Variants in PIK3C2G observed in about 807,000 individuals in gnomAD.
PIK3C2G encodes the protein phosphatidylinositol 3-kinase C2 domain-containing subunit gamma.
In PIK3C2G, 168 loss-of-function variants were observed where a neutral mutation model predicts 181.1. The observed-to-expected ratio is 0.93, with a 90% CI of 0.82 to 1.05. The LOEUF (loss-of-function observed/expected upper bound fraction) is 1.05. Ranked by LOEUF, PIK3C2G falls within the 50% of genes least tolerant of loss-of-function variation. The pLI, the probability that PIK3C2G is intolerant of heterozygous loss-of-function variation, is 0.00. For synonymous variants in PIK3C2G, 573 were observed against 592.2 expected (o/e 0.97, Z 0.47); for missense variants, 1,869 against 1,732.8 (o/e 1.08, Z -1.40).
chr12:18,460,800 A>C (rs1348463089), intron 18 of PIK3C2G, among the ~76,000 whole-genome samples: 1 of 151,970 alleles, frequency 6.6e-6, no homozygotes, highest in Non-Finnish European at 1.5e-5. Flanking sequence ...AGTATTGCCT[A>C]GGGATTAGGC....
intron 32 of PIK3C2G, among the ~76,000 whole-genome samples, chr12:18,642,786 CTGTGTGTGTGTGTGTGTG>C (rs56095750): frequency 2.8e-5 from 4 of 143,100 alleles, no homozygotes; most frequent in African/African-American, 1.1e-4. Flanking sequence ...ATAAGTGACA[CTGTGTGTGTGTGTGTGTG>C]TGTGTGTGTG....
At chr12:18,539,441 A>G (rs1944034575) in intron 25 of PIK3C2G, among the ~76,000 whole-genome samples, 1 of 151,892 alleles carries the variant, frequency 6.6e-6, no homozygotes. Context: ...CATTTATGTT[A>G]TTATACTAGA....
In PIK3C2G at chr12:18,314,911, C is replaced by T. The variant is rs150282281; in HGVS notation, c.1137+847C>T. ...TTTCATAATATATATAATAAAGCTA[C>T]CTAGAAAAGGATGACTGTGCTTTGA... On this transcript the variant is annotated intron_variant, in intron 6 of 32. Coordinates refer to ENST00000538779, the MANE Select transcript of PIK3C2G (RefSeq NM_001288772.2). 6.0e-4 allele frequency among the ~76,000 whole-genome samples: 92 copies of T among 152,238 alleles called. No individual in the cohort carries two copies. In the Middle Eastern group the frequency reaches 0.01, roughly 17 times the overall value.
chr12:18,423,584 T>C (rs948990940), intron 17 of PIK3C2G, among the ~76,000 whole-genome samples: 2 of 152,148 alleles, frequency 1.3e-5, no homozygotes, highest in Non-Finnish European at 2.9e-5. Context: ...TGAATGTGCA[T>C]TAATTTCATC....
At chr12:18,307,670 C>T (rs1383349503) in intron 5 of PIK3C2G, among the ~76,000 whole-genome samples, 1 of 151,866 alleles carries the variant, frequency 6.6e-6, no homozygotes, top group Non-Finnish European at 1.5e-5. Context: ...TCTTCTTACC[C>T]TTTTTGATAT....
chr12:18,319,485 A>G (rs894367779), intron 6 of PIK3C2G, among the ~76,000 whole-genome samples: 1 of 152,140 alleles, frequency 6.6e-6, no homozygotes, highest in Admixed American at 6.5e-5. Flanking sequence ...TGTGACAAAA[A>G]AAGTTTCCAA....
At chr12:18,546,511 G>T in intron 26 of PIK3C2G, 79 bp downstream of exon 26, 1 of 798,372 alleles carries the variant, frequency 1.3e-6, no homozygotes, top group Non-Finnish European at 2.1e-6. Flanking sequence ...ATGATTTCAG[G>T]TTGACCAGTC....
In PIK3C2G at chr12:18,606,125, G is replaced by A. The variant is rs115592930; in HGVS notation, c.4088-3410G>A. ...GAGTTTTCACTGGGTTCTGAACTCC[G>A]GCATGTTTTGATGGACACTTTAGTT... On this transcript the variant is annotated intron_variant, in intron 30 of 32. Coordinates refer to ENST00000538779, the MANE Select transcript of PIK3C2G (RefSeq NM_001288772.2). Among the ~76,000 whole-genome samples, 1,119 of 152,176 alleles carry A rather than the reference G, an allele frequency of 7.4e-3. 10 individuals are homozygous for A. The highest frequency in any genetic ancestry group is 0.025 in the African/African-American group (1,058 of 41,506).
chr12:18,636,121 G>A (rs1229211957), intron 31 of PIK3C2G, among the ~76,000 whole-genome samples: 1 of 152,184 alleles, frequency 6.6e-6, no homozygotes, highest in Admixed American at 6.5e-5. Flanking sequence ...ACTAAATTAT[G>A]ACATAGAGCT....
chr12:18,485,979 C>A (rs1413993374), intron 18 of PIK3C2G, among the ~76,000 whole-genome samples: 2 of 152,198 alleles, frequency 1.3e-5, no homozygotes, highest in East Asian at 3.9e-4. Context: ...AACTGAGTAA[C>A]CTTCCACCCA....
In PIK3C2G at chr12:18,320,979, T is replaced by G; in HGVS notation, c.1155T>G (p.Ser385Arg). 1 of 1,567,142 alleles carries G rather than the reference T, an allele frequency of 6.4e-7. No individual in the cohort carries two copies. The highest frequency in any genetic ancestry group is 8.8e-7 in the Non-Finnish European group (1 of 1,141,568). The change falls in exon 7 of 33, where the codon AGT becomes AGG. Residue 385 changes from serine to arginine, a missense_variant. By Grantham distance (110) the Ser-to-Arg change is moderately radical (BLOSUM62 -1). Coordinates refer to ENST00000538779, the MANE Select transcript of PIK3C2G (RefSeq NM_001288772.2). ...GTCTACAGCATGAAGAGGACCACAG[T>G]CAGTTTTATCTGAATCAACTTCTAG... ...KLSRKHEEDHSQFYLNQLLEF... is the reference protein window; with the variant it reads ...KLSRKHEEDHRQFYLNQLLEF...
At chr12:18,601,647 T>C (rs971526427) in intron 30 of PIK3C2G, among the ~76,000 whole-genome samples, 44 of 152,192 alleles carry the variant, frequency 2.9e-4, no homozygotes, top group Admixed American at 2.9e-3. Flanking sequence ...TTTAATGATA[T>C]TGATACTTCT....
chr12:18,645,619 G>A (rs1047152714), intron 32 of PIK3C2G, among the ~76,000 whole-genome samples: 11 of 152,032 alleles, frequency 7.2e-5, no homozygotes, highest in African/African-American at 9.7e-5. Context: ...TCCTTTTTGT[G>A]TATTTGATGG....
chr12:18,352,513 G>A (rs897675675), intron 11 of PIK3C2G, among the ~76,000 whole-genome samples: 3 of 152,122 alleles, frequency 2.0e-5, no homozygotes, highest in Non-Finnish European at 4.4e-5. Context: ...TCTAGGAGGG[G>A]TACTCAAAAT....
At chr12:18,375,855 G>A (rs374738184) in intron 13 of PIK3C2G, among the ~76,000 whole-genome samples, 83 of 152,298 alleles carry the variant, frequency 5.4e-4, no homozygotes, top group African/African-American at 1.9e-3. Context: ...CCAAAGGGGC[G>A]CAGGTACCGC....
intron 29 of PIK3C2G, among the ~76,000 whole-genome samples, chr12:18,572,417 T>A (rs946671585): frequency 6.7e-6 from 1 of 148,888 alleles, no homozygotes; most frequent in Non-Finnish European, 1.5e-5. Context: ...AAATATAAAA[T>A]TTATATAATA....
At chr12:18,393,964 T>C (rs1342886873) in intron 15 of PIK3C2G, among the ~76,000 whole-genome samples, 1 of 152,138 alleles carries the variant, frequency 6.6e-6, no homozygotes, top group Non-Finnish European at 1.5e-5. Context: ...GAAATCTGTA[T>C]TGGAGTCTTC....
chr12:18,402,812 T>A (rs1444133132), intron 16 of PIK3C2G, among the ~76,000 whole-genome samples: 1 of 152,186 alleles, frequency 6.6e-6, no homozygotes, highest in Non-Finnish European at 1.5e-5. Context: ...CTTCAAAATC[T>A]GTTTGGCTCA....
intron 18 of PIK3C2G, among the ~76,000 whole-genome samples, chr12:18,450,480 T>G (rs1947287648): frequency 6.6e-6 from 1 of 152,194 alleles, no homozygotes; most frequent in Non-Finnish European, 1.5e-5. Flanking sequence ...TTCTGGATAT[T>G]AGACCTTCAT....
Sources: gnomAD v4.1 joint callset for allele counts (sites outside exome capture counted in the v4.1 genomes callset) on GRCh38, gnomAD v4.1.1 for gene constraint, MANE v1.5 for transcripts, NCBI Gene and HGNC (gene_info 2026-07-23, HGNC 2026-07-21) for gene names.